CCSER1: variants seen among roughly 807,000 people sequenced by gnomAD.
CCSER1 encodes the protein coiled-coil serine rich protein 1, also known as serine-rich coiled-coil domain-containing protein 1.
In CCSER1, 41 loss-of-function variants were observed where a neutral mutation model predicts 82.0. The observed-to-expected ratio is 0.50, with a 90% confidence interval of 0.39 to 0.65. CCSER1 has a LOEUF of 0.65. CCSER1 is among the 30% of genes least tolerant of loss of function. The pLI, the probability that CCSER1 is intolerant of heterozygous loss-of-function variation, is 0.00. For synonymous variants in CCSER1, 414 were observed against 383.9 expected (o/e 1.08, Z -0.92); for missense variants, 1,119 against 1,064.2 (o/e 1.05, Z -0.72).
intron 10 of CCSER1, among the ~76,000 whole-genome samples, chr4:91,149,391 T>G (rs1445607028): frequency 3.3e-5 from 5 of 152,216 alleles, no homozygotes; most frequent in African/African-American, 1.2e-4. Context: ...CTTTGTCAGA[T>G]GGGTAGATTG....
At chr4:90,366,783 G>A (rs187175776) in intron 3 of CCSER1, among the ~76,000 whole-genome samples, 193 of 151,916 alleles carry the variant, frequency 1.3e-3, no homozygotes, top group African/African-American at 4.5e-3. Context: ...ATTTTGTATG[G>A]AATAGTTGAA....
At chr4:91,369,435 G>T (rs1311114061) in intron 10 of CCSER1, among the ~76,000 whole-genome samples, 1 of 152,104 alleles carries the variant, frequency 6.6e-6, no homozygotes, top group African/African-American at 2.4e-5. Flanking sequence ...CAATTTGCAG[G>T]AATTTTTGAG....
chr4:90,541,115 T>C (rs1776047300), intron 5 of CCSER1, among the ~76,000 whole-genome samples: 1 of 151,976 alleles, frequency 6.6e-6, no homozygotes, highest in Non-Finnish European at 1.5e-5. Context: ...CATCCTGGCC[T>C]GATGCTGTGG....
chr4:91,273,780 T>C (rs939761735), intron 10 of CCSER1, among the ~76,000 whole-genome samples: 1 of 152,138 alleles, frequency 6.6e-6, no homozygotes, highest in Non-Finnish European at 1.5e-5. Context: ...TATGTCCCTA[T>C]ATGCCAATTT....
chr4:90,771,810 A>G (rs911713484), intron 7 of CCSER1, among the ~76,000 whole-genome samples: 14 of 152,064 alleles, frequency 9.2e-5, no homozygotes, highest in African/African-American at 3.4e-4. Context: ...TGTGTGGTGT[A>G]TCCTCTGGTT....
At chr4:90,613,943 G>T (rs1307649403) in intron 5 of CCSER1, among the ~76,000 whole-genome samples, 1 of 152,034 alleles carries the variant, frequency 6.6e-6, no homozygotes, top group African/African-American at 2.4e-5. Flanking sequence ...TTAAATACTG[G>T]CATATCTCAT....
intron 3 of CCSER1, among the ~76,000 whole-genome samples, chr4:90,391,265 T>A (rs1750980567): frequency 1.9e-5 from 2 of 102,672 alleles, no homozygotes; most frequent in African/African-American, 4.8e-5. Flanking sequence ...AGAGCAAGAC[T>A]CTGTCTCAAA....
At chr4:90,299,048 A>G (rs561152339) in intron 1 of CCSER1, among the ~76,000 whole-genome samples, 1 of 152,076 alleles carries the variant, frequency 6.6e-6, no homozygotes, top group African/African-American at 2.4e-5. Flanking sequence ...CTGGCTGAGT[A>G]TCAAGATTAC....
At chr4:91,423,946 C>G (rs1753820631) in intron 10 of CCSER1, among the ~76,000 whole-genome samples, 1 of 147,512 alleles carries the variant, frequency 6.8e-6, no homozygotes, top group Non-Finnish European at 1.5e-5. Flanking sequence ...AATGAGGAAA[C>G]CTATGTAAGG....
At chr4:90,651,687 T>G (rs142030315) in intron 6 of CCSER1, among the ~76,000 whole-genome samples, 1 of 88,228 alleles carries the variant, frequency 1.1e-5, no homozygotes, top group Admixed American at 1.0e-4. Context: ...TAAAGTATAA[T>G]TAAAAAAAAA....
chr4:90,588,732 G>C (rs1293225444), intron 5 of CCSER1, among the ~76,000 whole-genome samples: 1 of 152,146 alleles, frequency 6.6e-6, no homozygotes. Flanking sequence ...TCTCATAGTA[G>C]TGAATAAGTC....
intron 4 of CCSER1, among the ~76,000 whole-genome samples, chr4:90,410,908 A>G (rs1229662778): frequency 6.6e-6 from 1 of 152,212 alleles, no homozygotes; most frequent in Non-Finnish European, 1.5e-5. Context: ...AGAGAGAAGA[A>G]TCAAATAGAC....
intron 6 of CCSER1, among the ~76,000 whole-genome samples, chr4:90,703,261 G>A (rs2149286939): frequency 6.6e-6 from 1 of 152,318 alleles, no homozygotes; most frequent in East Asian, 1.9e-4. Flanking sequence ...AGATTGTTCA[G>A]TTTCCATGTA....
At chr4:90,764,668 T>A (rs1750928622) in intron 7 of CCSER1, among the ~76,000 whole-genome samples, 1 of 152,156 alleles carries the variant, frequency 6.6e-6, no homozygotes, top group Non-Finnish European at 1.5e-5. Flanking sequence ...TATTGGCTTT[T>A]GCAACTCAGG....
chr4:91,311,201 C>A (rs1435032935), intron 10 of CCSER1, among the ~76,000 whole-genome samples: 2 of 152,018 alleles, frequency 1.3e-5, no homozygotes, highest in East Asian at 3.9e-4. Flanking sequence ...GCTAAAAATT[C>A]TTTAACCATT....
At chr4:90,554,012 C>G (rs1020259156) in intron 5 of CCSER1, among the ~76,000 whole-genome samples, 1 of 152,172 alleles carries the variant, frequency 6.6e-6, no homozygotes, top group Admixed American at 6.5e-5. Context: ...CTACATATCA[C>G]AATGTTCAAC....
At chr4:90,332,709 G>A (rs945036932) in intron 3 of CCSER1, among the ~76,000 whole-genome samples, 2 of 151,744 alleles carry the variant, frequency 1.3e-5, no homozygotes, top group Admixed American at 6.6e-5. Context: ...TATTATTTTT[G>A]TGAATCATGT....
chr4:91,302,689 T>A (rs1578153041), intron 10 of CCSER1, among the ~76,000 whole-genome samples: 1 of 151,992 alleles, frequency 6.6e-6, no homozygotes, highest in African/African-American at 2.4e-5. Flanking sequence ...TTCTCTGACT[T>A]CCAGCCACTT....
chr4:91,563,387 T>G (rs139065857), intron 10 of CCSER1, among the ~76,000 whole-genome samples: 21 of 151,828 alleles, frequency 1.4e-4, no homozygotes, highest in African/African-American at 4.8e-4. Context: ...AATCAATAAA[T>G]GTAATCTACC....
Sources: allele counts gnomAD v4.1 joint callset (sites outside exome capture counted in the v4.1 genomes callset), GRCh38; gene constraint gnomAD v4.1.1; transcripts MANE v1.5; gene names NCBI Gene and HGNC (gene_info 2026-07-23, HGNC 2026-07-21).